ACBD6: variants seen among roughly 807,000 people sequenced by gnomAD.
The protein encoded by ACBD6 is acyl-CoA binding domain containing 6.
Under a neutral mutation model 37.2 loss-of-function variants are expected in ACBD6, and 28 were observed. The ratio of observed to expected loss-of-function variants is 0.75; its 90% CI spans 0.56 to 1.03. The LOEUF (loss-of-function observed/expected upper bound fraction) is 1.03, where lower values mean the gene tolerates loss of function less well. Ranked by LOEUF, ACBD6 falls within the 50% of genes least tolerant of loss-of-function variation. ACBD6 has a pLI of 0.00. For missense variants in ACBD6, 340 were observed against 337.4 expected (o/e 1.01, Z -0.06); for synonymous variants, 113 against 126.8 (o/e 0.89, Z 0.73).
intron 6 of ACBD6, among the ~76,000 whole-genome samples, chr1:180,359,789 G>GC (rs1553297913): frequency 1.3e-5 from 2 of 151,562 alleles, no homozygotes; most frequent in Non-Finnish European, 2.9e-5. Context: ...AAATAATGGT[G>GC]TTTTTTTTGT....
At position 180,481,932 on chromosome 1, in the gene ACBD6, C is replaced by T. The variant is rs1651062509; in HGVS notation, c.384+10337G>A. 2.6e-5 allele frequency among the ~76,000 whole-genome samples: 4 copies of T among 152,066 alleles called. 1 individual carries two copies. In the South Asian group the frequency reaches 8.3e-4, roughly 32 times the overall value. The stretch of plus-strand genomic sequence containing the variant: ...AAGAGTCTATGGGCTGGATGGAGTA[C>T]TATCAAGTTCGATAGTCAGGTGAAT... On this transcript the variant is annotated intron_variant, in intron 3 of 7. Transcript: ENST00000367595.
exon 14 of ACBD6, chr1:180,271,351 A>C: frequency 6.2e-7 from 1 of 1,614,028 alleles, no homozygotes; most frequent in Non-Finnish European, 8.5e-7. Context: ...GATAGGCCGA[A>C]GCCAGTAAGC....
exon 14 of ACBD6, chr1:180,271,882 T>C (rs1468895628): frequency 1.9e-6 from 3 of 1,613,502 alleles, no homozygotes; most frequent in Non-Finnish European, 8.5e-7. Flanking sequence ...TGAAGAAGGA[T>C]GCAGGGCGGC....
chr1:180,454,563 G>T (rs1403966027), intron 3 of ACBD6, among the ~76,000 whole-genome samples: 1 of 152,126 alleles, frequency 6.6e-6, no homozygotes, highest in Non-Finnish European at 1.5e-5. Context: ...CACAGCAAAA[G>T]AAACTATCAT....
chr1:180,342,587 TAA>T (rs139132195), intron 6 of ACBD6, among the ~76,000 whole-genome samples: 5,090 of 152,118 alleles, frequency 0.033, 240 homozygotes, highest in African/African-American at 0.092. Context: ...ATAATTATCT[TAA>T]GTCTACTATA....
chr1:180,456,065 A>T (rs1232617032), intron 3 of ACBD6, among the ~76,000 whole-genome samples: 1 of 152,078 alleles, frequency 6.6e-6, no homozygotes, highest in African/African-American at 2.4e-5. Context: ...ACAAAAAATT[A>T]ACTGGACGTG....
chr1:180,377,777 G>A (rs893237990), intron 6 of ACBD6, among the ~76,000 whole-genome samples: 34 of 151,942 alleles, frequency 2.2e-4, no homozygotes, highest in African/African-American at 6.8e-4. Flanking sequence ...GAGAAACCCC[G>A]TCTCTACTAA....
intron 6 of ACBD6, among the ~76,000 whole-genome samples, chr1:180,331,650 T>C (rs1241911494): frequency 1.3e-5 from 2 of 152,214 alleles, no homozygotes. Flanking sequence ...GGGGATCTGA[T>C]AGAATAATAC....
intron 3 of ACBD6, among the ~76,000 whole-genome samples, chr1:180,489,186 A>G (rs1021212849): frequency 6.6e-6 from 1 of 152,146 alleles, no homozygotes; most frequent in African/African-American, 2.4e-5. Context: ...AAAAAAACTC[A>G]GCACATTCAG....
intron 6 of ACBD6, among the ~76,000 whole-genome samples, chr1:180,369,221 T>C (rs181107795): frequency 6.6e-5 from 10 of 152,284 alleles, no homozygotes; most frequent in African/African-American, 2.2e-4. Flanking sequence ...CCAACCCATA[T>C]CACAAAGGTC....
At chr1:180,455,108 T>G (rs1649865958) in intron 3 of ACBD6, among the ~76,000 whole-genome samples, 1 of 152,130 alleles carries the variant, frequency 6.6e-6, no homozygotes, top group Admixed American at 6.5e-5. Flanking sequence ...TAGCAAAGAC[T>G]TGGAACCAAC....
At chr1:180,331,420 T>C (rs1651475702) in intron 6 of ACBD6, among the ~76,000 whole-genome samples, 1 of 152,194 alleles carries the variant, frequency 6.6e-6, no homozygotes, top group Non-Finnish European at 1.5e-5. Flanking sequence ...TATCCTAATA[T>C]GGTATCAAAC....
chr1:180,337,908 G>A (rs139671602), intron 6 of ACBD6, among the ~76,000 whole-genome samples: 7,926 of 152,094 alleles, frequency 0.052, 666 homozygotes, highest in African/African-American at 0.17. Flanking sequence ...CAAGTGCTTC[G>A]AAGAGAATAA....
rs947852974 is a variant in ACBD6 at position 180,423,418 on chromosome 1, A to G, written c.467+6762T>C. Among the ~76,000 whole-genome samples, 7 of 152,180 alleles carry G rather than the reference A, an allele frequency of 4.6e-5. No homozygotes were observed. In the East Asian group the frequency reaches 1.3e-3, roughly 29 times the overall value. The stretch of plus-strand genomic sequence containing the variant: ...GATAATGGCAACATCTTCTTCTACT[A>G]CATAACTATTTTCAGACTGAATTAT... On this transcript the variant is annotated intron_variant, in intron 4 of 7. Transcript: ENST00000367595.
chr1:180,479,608 AC>A (rs1221275348), intron 3 of ACBD6, among the ~76,000 whole-genome samples: 1 of 152,208 alleles, frequency 6.6e-6, no homozygotes, highest in African/African-American at 2.4e-5. Context: ...ACTACACTTG[AC>A]AAAAATGTAC....
Position 180,425,636 on chromosome 1 carries a change from C to CT in ACBD6, c.467+4543dup, listed in dbSNP as rs200669948. ...ACACATACTCTTGAAGCTTAAGAAT[C>CT]TTTAAGTAGATTTGTTAAAAACAGG... On this transcript the variant is annotated intron_variant, in intron 4 of 7. Coordinates refer to ENST00000367595, the MANE Select transcript of ACBD6 (RefSeq NM_032360.4). 7.9e-5 allele frequency among the ~76,000 whole-genome samples: 12 copies of CT among 152,248 alleles called. No individual in the cohort carries two copies. The East Asian group carries it at 2.3e-3, about 29-fold the overall frequency.
chr1:180,347,922 G>A (rs990104030), intron 6 of ACBD6, among the ~76,000 whole-genome samples: 4 of 151,614 alleles, frequency 2.6e-5, no homozygotes, highest in Admixed American at 1.3e-4. Context: ...CCGAGATTGC[G>A]CCACTGGGTG....
chr1:180,451,231 C>T (rs1400163426), intron 3 of ACBD6, among the ~76,000 whole-genome samples: 1 of 152,118 alleles, frequency 6.6e-6, no homozygotes, highest in Admixed American at 6.5e-5. Context: ...AGGATGGCTA[C>T]AATCAAAAAG....
At chr1:180,346,602 T>A (rs780148458) in intron 6 of ACBD6, among the ~76,000 whole-genome samples, 5 of 152,088 alleles carry the variant, frequency 3.3e-5, no homozygotes, top group Non-Finnish European at 7.4e-5. Flanking sequence ...GACTGCAAAC[T>A]CTAGATGAGA....
Sources: gnomAD v4.1 joint callset for allele counts (sites outside exome capture counted in the v4.1 genomes callset) on GRCh38, gnomAD v4.1.1 for gene constraint, MANE v1.5 for transcripts, NCBI Gene and HGNC (gene_info 2026-07-23, HGNC 2026-07-21) for gene names.